Variants in BTBD9 observed in about 807,000 individuals in gnomAD.
BTBD9 encodes BTB domain containing 9, also known as BTB/POZ domain-containing protein 9.
BTBD9 carries 49 observed loss-of-function variants against 64.3 expected under a neutral mutation model. That is an observed-to-expected ratio of 0.76 (90% CI 0.61 to 0.97). BTBD9 has a LOEUF of 0.97. Among genes scored for constraint, BTBD9 ranks in the 50% least tolerant of loss-of-function variants. The probability of loss-of-function intolerance (pLI) is 0.00; values close to 1 mark genes in which losing one functional copy is unlikely to be tolerated. For synonymous variants in BTBD9, 260 were observed against 274.7 expected, an observed-to-expected ratio of 0.95 and a Z score of 0.53; for missense variants, 598 against 762.1, an observed-to-expected ratio of 0.78 and a Z score of 2.53.
chr6:38,494,252 A>G (rs1390377619), intron 6 of BTBD9, among the ~76,000 whole-genome samples: 5 of 152,188 alleles, frequency 3.3e-5, no homozygotes, highest in Admixed American at 1.3e-4. Flanking sequence ...CTCTTTTAAT[A>G]TAATTGTTTA....
At chr6:38,415,049 C>G (rs142927374) in intron 6 of BTBD9, among the ~76,000 whole-genome samples, 78 of 152,268 alleles carry the variant, frequency 5.1e-4, no homozygotes, top group Middle Eastern at 3.4e-3. Flanking sequence ...TGTTCCCACT[C>G]TAAGTTGCTT....
intron 4 of BTBD9, among the ~76,000 whole-genome samples, chr6:38,582,156 CAA>C (rs1422411456): frequency 6.6e-6 from 1 of 152,060 alleles, no homozygotes; most frequent in Non-Finnish European, 1.5e-5. Flanking sequence ...AAAATGGAAG[CAA>C]AAGACTGTAG....
intron 6 of BTBD9, among the ~76,000 whole-genome samples, chr6:38,547,296 G>A (rs1442129427): frequency 6.6e-6 from 1 of 152,166 alleles, no homozygotes; most frequent in African/African-American, 2.4e-5. Flanking sequence ...TGGGCGTGGT[G>A]GCACATGCCA....
chr6:38,305,293 C>G (rs1426709308), intron 7 of BTBD9, among the ~76,000 whole-genome samples: 1 of 152,124 alleles, frequency 6.6e-6, no homozygotes, highest in African/African-American at 2.4e-5. Context: ...GAGTTGCTAT[C>G]TAAGCACTAC....
chr6:38,577,814 C>A (rs1776122852), intron 5 of BTBD9, 95 bp from the exon 6 acceptor site: 2 of 1,081,884 alleles, frequency 1.8e-6, no homozygotes, highest in Non-Finnish European at 2.6e-6. Flanking sequence ...ACAAAAAATA[C>A]AGAATTCACT....
At chr6:38,298,547 C>T (rs1322027664) in intron 7 of BTBD9, among the ~76,000 whole-genome samples, 2 of 152,134 alleles carry the variant, frequency 1.3e-5, no homozygotes, top group Non-Finnish European at 2.9e-5. Flanking sequence ...ATACACAATA[C>T]ATTGTTATTA....
At chr6:38,202,085 GTTTTT>G (rs147043026) in intron 9 of BTBD9, among the ~76,000 whole-genome samples, 1 of 120,612 alleles carries the variant, frequency 8.3e-6, no homozygotes, top group Non-Finnish European at 1.7e-5. Context: ...CGTTTTTTTT[GTTTTT>G]TTTTTTTTTT....
intron 6 of BTBD9, among the ~76,000 whole-genome samples, chr6:38,349,728 G>A (rs1443566033): frequency 1.3e-5 from 2 of 151,978 alleles, no homozygotes; most frequent in African/African-American, 4.8e-5. Context: ...CTGTATTACT[G>A]ACTTTAGATG....
intron 1 of BTBD9, among the ~76,000 whole-genome samples, chr6:38,606,510 T>G (rs923635648): frequency 6.6e-6 from 1 of 152,148 alleles, no homozygotes; most frequent in Non-Finnish European, 1.5e-5. Flanking sequence ...TTTAAATGAT[T>G]AAATCATTTG....
intron 9 of BTBD9, among the ~76,000 whole-genome samples, chr6:38,206,660 A>G (rs1461545518): frequency 1.3e-5 from 2 of 152,230 alleles, no homozygotes; most frequent in Non-Finnish European, 2.9e-5. Context: ...AATCTGATAC[A>G]AAGAAAAACT....
chr6:38,370,790 A>T (rs1765386858), intron 6 of BTBD9, among the ~76,000 whole-genome samples: 1 of 152,248 alleles, frequency 6.6e-6, no homozygotes, highest in Admixed American at 6.5e-5. Context: ...TACTCTATTA[A>T]GCAAGTACTG....
At chr6:38,511,978 T>C (rs1243528073) in intron 6 of BTBD9, among the ~76,000 whole-genome samples, 1 of 151,844 alleles carries the variant, frequency 6.6e-6, no homozygotes, top group South Asian at 2.1e-4. Context: ...CCACTATTTT[T>C]CCCCCTTTTT....
At chr6:38,361,607 G>A (rs567690082) in intron 6 of BTBD9, among the ~76,000 whole-genome samples, 2 of 152,266 alleles carry the variant, frequency 1.3e-5, no homozygotes, top group South Asian at 4.1e-4. Flanking sequence ...TTGGGAGGCT[G>A]AGGCAGGTAG....
intron 6 of BTBD9, among the ~76,000 whole-genome samples, chr6:38,525,292 C>A (rs896519867): frequency 6.6e-6 from 1 of 152,180 alleles, no homozygotes; most frequent in East Asian, 1.9e-4. Flanking sequence ...AAAGAAGGTG[C>A]CTGCTTCCCC....
intron 9 of BTBD9, among the ~76,000 whole-genome samples, chr6:38,195,660 G>C (rs1762252878): frequency 6.6e-6 from 1 of 151,888 alleles, no homozygotes; most frequent in Admixed American, 6.6e-5. Flanking sequence ...TCTAGAATGA[G>C]GTCCCAATTA....
At chr6:38,183,220 G>GC (rs1365447036) in intron 10 of BTBD9, among the ~76,000 whole-genome samples, 3 of 152,160 alleles carry the variant, frequency 2.0e-5, no homozygotes, top group Non-Finnish European at 4.4e-5. Flanking sequence ...CTCGTGATCT[G>GC]CCCGCCTCGG....
At chr6:38,345,600 GTTTCT>G (rs1764248851) in intron 6 of BTBD9, among the ~76,000 whole-genome samples, 1 of 152,216 alleles carries the variant, frequency 6.6e-6, no homozygotes, top group African/African-American at 2.4e-5. Context: ...ACTACTCACA[GTTTCT>G]TTTATTTTAC....
chr6:38,396,912 T>C (rs1253230583), intron 6 of BTBD9, among the ~76,000 whole-genome samples: 1 of 145,386 alleles, frequency 6.9e-6, no homozygotes, highest in Admixed American at 6.9e-5. Flanking sequence ...TTTTTTTTTT[T>C]TTTTTTTGAG....
chr6:38,484,411 T>C (rs1166603349), intron 6 of BTBD9, among the ~76,000 whole-genome samples: 1 of 152,212 alleles, frequency 6.6e-6, no homozygotes. Context: ...GACTGACTAC[T>C]ATTTGAGATT....
Sources: gnomAD v4.1 joint callset for allele counts (sites outside exome capture counted in the v4.1 genomes callset) on GRCh38, gnomAD v4.1.1 for gene constraint, MANE v1.5 for transcripts, NCBI Gene and HGNC (gene_info 2026-07-23, HGNC 2026-07-21) for gene names.